Variants in LRSAM1 observed in about 807,000 individuals in gnomAD.
LRSAM1 encodes E3 ubiquitin-protein ligase LRSAM1.
LRSAM1 carries 96 observed loss-of-function variants against 118.1 expected under a neutral mutation model. The ratio of observed to expected loss-of-function variants is 0.81; its 90% confidence interval spans 0.69 to 0.96. The LOEUF is 0.96. Among genes scored for constraint, LRSAM1 ranks in the 40% least tolerant of loss-of-function variants. The pLI is 0.00. For synonymous variants in LRSAM1, 322 were observed against 364.2 expected (o/e 0.88, Z 1.32); for missense variants, 804 against 915.5 (o/e 0.88, Z 1.57).
intron 16 of LRSAM1, among the ~76,000 whole-genome samples, chr9:127,484,263 C>CTTTTTTTTTTTTTTTTTTCT (rs35834839): frequency 7.5e-6 from 1 of 133,682 alleles, no homozygotes; most frequent in African/African-American, 2.8e-5. Flanking sequence ...ATTTCTTTCC[C>CTTTTTTTTTTTTTTTTTTCT]TTTTTTTTTT....
intron 10 of LRSAM1, among the ~76,000 whole-genome samples, chr9:127,471,576 C>T (rs1159237747): frequency 1.3e-5 from 2 of 149,110 alleles, no homozygotes; most frequent in Non-Finnish European, 3.0e-5. Context: ...CACCTGAGGT[C>T]GGGAGTTCGA....
intron 11 of LRSAM1, among the ~76,000 whole-genome samples, chr9:127,478,601 C>T (rs999931937): frequency 1.3e-5 from 2 of 152,230 alleles, no homozygotes; most frequent in Non-Finnish European, 2.9e-5. Flanking sequence ...GTTACGCAGA[C>T]ATCCATGGGC....
chr9:127,457,230 C>T (rs992734236), intron 5 of LRSAM1, 86 bp from the exon 6 acceptor site: 30 of 1,476,152 alleles, frequency 2.0e-5, no homozygotes, highest in East Asian at 1.6e-4. Flanking sequence ...GGGCGTGGCA[C>T]GGCGCTGGGC....
intron 5 of LRSAM1, among the ~76,000 whole-genome samples, chr9:127,456,822 C>T (rs1348691984): frequency 1.3e-5 from 2 of 150,518 alleles, no homozygotes; most frequent in Non-Finnish European, 3.0e-5. Flanking sequence ...GCTGAGATCA[C>T]ACCACTGCAC....
intron 12 of LRSAM1, 75 bp from the exon 13 acceptor site, chr9:127,479,308 G>A (rs1276228049): frequency 2.5e-6 from 4 of 1,609,012 alleles, no homozygotes; most frequent in Non-Finnish European, 3.4e-6. Flanking sequence ...GTGTTGAGGG[G>A]TGGATTCTCC....
rs554034484 is a variant in LRSAM1, at chr9:127,495,798, CCTAT to C, written c.1699-151_1699-148del. Among the ~76,000 whole-genome samples, 928 of 152,260 alleles carry C rather than the reference CCTAT, an allele frequency of 6.1e-3. 3 individuals carry two copies. Among genetic ancestry groups the C allele is most frequent in the Non-Finnish European group, 7.2e-3 (488 of 68,004 alleles). On this transcript the variant is annotated intron_variant, in intron 22 of 25. Transcript: ENST00000300417. The stretch of plus-strand genomic sequence containing the variant: ...GACAGAGCGGCAGTGAACCCCTGGG[CCTAT>C]CTATCTATCTATCTCTGTGTGCCTA...
At chr9:127,463,872 G>A (rs534196643) in intron 9 of LRSAM1, among the ~76,000 whole-genome samples, 48 of 152,360 alleles carry the variant, frequency 3.2e-4, no homozygotes, top group African/African-American at 1.1e-3. Context: ...CAGAACTCTT[G>A]TGAGGCAGAT....
chr9:127,451,698 A>C (rs970202043), intron 1 of LRSAM1, 29 bp downstream of exon 1: 2 of 271,002 alleles, frequency 7.4e-6, no homozygotes, highest in Non-Finnish European at 1.4e-5. Context: ...CCCGTCACCC[A>C]ATCCCAGAGC....
At chr9:127,464,692 G>A (rs954107611) in intron 9 of LRSAM1, among the ~76,000 whole-genome samples, 4 of 151,732 alleles carry the variant, frequency 2.6e-5, no homozygotes, top group Admixed American at 2.6e-4. Context: ...CACCCAGGCT[G>A]GAGTGCAGTG....
At chr9:127,478,354 T>C (rs1214137971) in intron 11 of LRSAM1, among the ~76,000 whole-genome samples, 1 of 152,250 alleles carries the variant, frequency 6.6e-6, no homozygotes, top group East Asian at 1.9e-4. Context: ...TTCTTGATGA[T>C]GTTTTTGCAA....
At position 127,457,347 on chromosome 9, in the gene LRSAM1, C is replaced by A. The variant is rs942116544; in HGVS notation, c.206C>A (p.Ser69Tyr). ...VLIVHTNHLTSLLPKSCSLLS... is the reference protein window; with the variant it reads ...VLIVHTNHLTYLLPKSCSLLS... ...ATCGTCCACACGAATCACCTCACTT[C>A]CCTGCTTCCCAAATCCTGCAGCCTC... Residue 69 changes from serine to tyrosine, a missense_variant, in exon 6 of 26, where the codon TCC becomes TAC. Physicochemically the swap from Ser to Tyr is moderately radical, Grantham distance 144 (BLOSUM62 -2). Transcript: ENST00000300417. 6.2e-7 allele frequency: 1 copy of A among 1,614,230 alleles called. No individual in the cohort carries two copies. Among genetic ancestry groups the A allele is most frequent in the Non-Finnish European group, 8.5e-7 (1 of 1,180,050 alleles).
At chr9:127,487,444 G>A in intron 17 of LRSAM1, 1 of 484,542 alleles carries the variant, frequency 2.1e-6, no homozygotes, top group Non-Finnish European at 3.9e-6. Context: ...TGGGTGAGAG[G>A]ACCTGGAAGC....
chr9:127,469,826 G>A (rs749417504), intron 10 of LRSAM1, among the ~76,000 whole-genome samples: 30 of 152,008 alleles, frequency 2.0e-4, no homozygotes, highest in Admixed American at 1.4e-3. Flanking sequence ...TTAGCAAGGC[G>A]TGGTGGCGGG....
At chr9:127,455,122 G>A in intron 4 of LRSAM1, 68 bp downstream of exon 4, 1 of 1,504,010 alleles carries the variant, frequency 6.6e-7, no homozygotes, top group Non-Finnish European at 9.3e-7. Flanking sequence ...GTGTCCCTAG[G>A]AAAGACAGAG....
Position 127,503,066 on chromosome 9 carries a change from C to A in LRSAM1, c.*167C>A. The A allele has an allele frequency of 1.1e-6, 1 of 913,162 alleles. No homozygotes were observed. The highest frequency in any genetic ancestry group is 2.2e-5 in the Admixed American group (1 of 45,334). 56.6% of individuals were successfully genotyped at this position (913,162 alleles called of 1,614,324 possible). On this transcript the variant is annotated 3_prime_UTR_variant, in exon 26 of 26. Transcript: ENST00000300417. ...ATCCTAAGCTCCAAGCATGTCTGGG[C>A]CAGGCAGAGGTGCTCCTCATCCATG...
intron 7 of LRSAM1, among the ~76,000 whole-genome samples, chr9:127,459,505 C>T (rs1467283346): frequency 6.6e-6 from 1 of 152,052 alleles, no homozygotes; most frequent in Non-Finnish European, 1.5e-5. Flanking sequence ...AGGTGTGAGC[C>T]ACCACGCCTG....
At chr9:127,477,492 A>G (rs1171805947) in intron 11 of LRSAM1, among the ~76,000 whole-genome samples, 3 of 152,158 alleles carry the variant, frequency 2.0e-5, no homozygotes, top group Non-Finnish European at 2.9e-5. Context: ...GCTCACGCCT[A>G]TAATCCCAGC....
At chr9:127,490,175 A>G (rs1437070683) in intron 19 of LRSAM1, among the ~76,000 whole-genome samples, 3 of 152,168 alleles carry the variant, frequency 2.0e-5, no homozygotes, top group Non-Finnish European at 4.4e-5. Context: ...GCGTCAGGCT[A>G]TGGGAGTACT....
chr9:127,475,410 G>C lies in LRSAM1; in HGVS notation c.750+1479G>C, dbSNP rs567176332. ...GGAGGCTGAGGCACAAGAATCACTTGAATCCAGGAGGCAGAGGTTGCAGTG... is the reference window on the plus strand; with the variant it reads ...GGAGGCTGAGGCACAAGAATCACTTCAATCCAGGAGGCAGAGGTTGCAGTG... On this transcript the variant is annotated intron_variant, in intron 11 of 25. Coordinates refer to ENST00000300417, the MANE Select transcript of LRSAM1 (RefSeq NM_001005373.4). 2.0e-5 allele frequency among the ~76,000 whole-genome samples: 3 copies of C among 152,192 alleles called. No individual in the cohort carries two copies. The South Asian group carries it at 6.2e-4, about 32-fold the overall frequency.
Sources: gnomAD v4.1 joint callset for allele counts (sites outside exome capture counted in the v4.1 genomes callset) on GRCh38, gnomAD v4.1.1 for gene constraint, MANE v1.5 for transcripts, NCBI Gene and HGNC (gene_info 2026-07-23, HGNC 2026-07-21) for gene names.